The following DCC variants were observed in gnomAD, a reference collection of about 807,000 sequenced individuals.
The protein encoded by DCC is netrin receptor DCC.
Under a neutral mutation model 172.5 loss-of-function variants are expected in DCC, and 58 were observed. The ratio of observed to expected loss-of-function variants is 0.34; its 90% CI spans 0.27 to 0.42. The LOEUF is 0.42. DCC is among the 10% of genes least tolerant of loss of function. The pLI is 1.00. For missense variants in DCC, 1,740 were observed against 1,791.0 expected (o/e 0.97, Z 0.51); for synonymous variants, 709 against 644.5 (o/e 1.10, Z -1.52).
At chr18:52,920,020 CAAAA>C (rs373883714) in intron 3 of DCC, among the ~76,000 whole-genome samples, 3 of 100,170 alleles carry the variant, frequency 3.0e-5, no homozygotes, top group African/African-American at 1.1e-4. Context: ...TGTCCATATA[CAAAA>C]AAAAAAAAAA....
intron 5 of DCC, among the ~76,000 whole-genome samples, chr18:53,038,345 AAAC>A (rs2042123108): frequency 6.6e-6 from 1 of 151,966 alleles, no homozygotes; most frequent in African/African-American, 2.4e-5. Flanking sequence ...GGAGTGGCTT[AAAC>A]AACAGACGTT....
intron 3 of DCC, among the ~76,000 whole-genome samples, chr18:52,910,259 T>G (rs963202772): frequency 6.6e-6 from 1 of 152,172 alleles, no homozygotes; most frequent in African/African-American, 2.4e-5. Context: ...GTAGCATTTT[T>G]CATTGAGACT....
At chr18:53,273,963 G>A (rs1002974504) in intron 12 of DCC, among the ~76,000 whole-genome samples, 1 of 151,706 alleles carries the variant, frequency 6.6e-6, no homozygotes, top group East Asian at 1.9e-4. Context: ...GGCCTTAGGC[G>A]AGCCTGAGGA....
chr18:53,517,193 C>G (rs2046344281), intron 27 of DCC, among the ~76,000 whole-genome samples: 2 of 143,020 alleles, frequency 1.4e-5, no homozygotes, highest in African/African-American at 5.3e-5. Flanking sequence ...TAAACTATCG[C>G]AAGAACAAAA....
At chr18:53,136,217 A>G (rs113088188) in intron 7 of DCC, among the ~76,000 whole-genome samples, 1 of 94,378 alleles carries the variant, frequency 1.1e-5, no homozygotes, top group Non-Finnish European at 2.4e-5. Flanking sequence ...ATCTATATAT[A>G]TATACACACA....
intron 7 of DCC, among the ~76,000 whole-genome samples, chr18:53,067,307 G>A (rs2042585882): frequency 6.6e-6 from 1 of 152,006 alleles, no homozygotes; most frequent in Non-Finnish European, 1.5e-5. Flanking sequence ...GATGGCTTGA[G>A]ACCAGGAATT....
intron 1 of DCC, among the ~76,000 whole-genome samples, chr18:52,511,494 T>C (rs1470619836): frequency 2.0e-5 from 3 of 152,110 alleles, no homozygotes; most frequent in African/African-American, 7.2e-5. Context: ...GGGAAGGGGT[T>C]GAGGTTGTAC....
chr18:52,615,913 A>G (rs1002897271), intron 1 of DCC, among the ~76,000 whole-genome samples: 2 of 152,224 alleles, frequency 1.3e-5, no homozygotes, highest in African/African-American at 2.4e-5. Context: ...ATGCAGATAT[A>G]TAAACATATA....
chr18:52,671,221 C>T lies in DCC; in HGVS notation c.92-80833C>T, dbSNP rs558542920. ...AAGACAATGGATTTTGCAAGTTACTCAACCAGTCCCACCACTGGAGGCTTC... is the reference window on the plus strand; with the variant it reads ...AAGACAATGGATTTTGCAAGTTACTTAACCAGTCCCACCACTGGAGGCTTC... On this transcript the variant is annotated intron_variant, in intron 1 of 28. Transcript: ENST00000442544. Among the ~76,000 whole-genome samples, 25 of 152,294 alleles carry T rather than the reference C, an allele frequency of 1.6e-4. No individual in the cohort carries two copies. The South Asian group carries it at 4.8e-3, about 29-fold the overall frequency.
rs1273072496 is a variant in DCC at position 53,532,818 on chromosome 18, A to T, written c.*2165A>T. On this transcript the variant is annotated 3_prime_UTR_variant, in exon 29 of 29. Coordinates refer to ENST00000442544, the MANE Select transcript of DCC (RefSeq NM_005215.4). Reference sequence around the variant, plus strand: ...TCAATCTATAGAATGAAGTTGACCAATTAAAAAAAAAAAAAAAACCTATCA... The same window carrying T: ...TCAATCTATAGAATGAAGTTGACCATTTAAAAAAAAAAAAAAAACCTATCA... 8.8e-6 allele frequency: 1 copy of T among 114,172 alleles called. No homozygotes were observed. The highest frequency in any genetic ancestry group is 3.2e-4 in the East Asian group (1 of 3,094). 7.1% of individuals were successfully genotyped at this position (114,172 alleles called of 1,614,324 possible).
chr18:53,345,361 T>C (rs891183819), intron 15 of DCC, among the ~76,000 whole-genome samples: 2 of 152,160 alleles, frequency 1.3e-5, no homozygotes, highest in Non-Finnish European at 2.9e-5. Context: ...ATATAAAACA[T>C]AGAAACCTGC....
At chr18:52,518,882 C>T (rs2031721062) in intron 1 of DCC, among the ~76,000 whole-genome samples, 1 of 152,160 alleles carries the variant, frequency 6.6e-6, no homozygotes, top group Admixed American at 6.5e-5. Flanking sequence ...GGCTCCTTCT[C>T]ACCTTACCCT....
intron 1 of DCC, among the ~76,000 whole-genome samples, chr18:52,705,686 C>T (rs533907249): frequency 6.6e-6 from 1 of 152,244 alleles, no homozygotes; most frequent in East Asian, 1.9e-4. Flanking sequence ...TCATTCTGTG[C>T]TGTGTGTTTT....
chr18:53,090,119 T>C (rs1337804845), intron 7 of DCC, among the ~76,000 whole-genome samples: 1 of 152,228 alleles, frequency 6.6e-6, no homozygotes, highest in African/African-American at 2.4e-5. Context: ...AGTTATTTTC[T>C]AATGAAAGTC....
At chr18:52,575,697 T>C (rs1483815162) in intron 1 of DCC, among the ~76,000 whole-genome samples, 4 of 152,200 alleles carry the variant, frequency 2.6e-5, no homozygotes, top group Non-Finnish European at 5.9e-5. Flanking sequence ...GAAGGCAATT[T>C]ATGTTTCCAT....
chr18:52,468,555 T>C (rs922423759), intron 1 of DCC, among the ~76,000 whole-genome samples: 1 of 152,354 alleles, frequency 6.6e-6, no homozygotes, highest in Admixed American at 6.5e-5. Context: ...TTTGGTTTTC[T>C]TAATGGCCAA....
chr18:53,386,722 C>A (rs919525410), intron 16 of DCC, among the ~76,000 whole-genome samples: 8 of 152,100 alleles, frequency 5.3e-5, no homozygotes, highest in African/African-American at 1.9e-4. Context: ...CCTTGTCACC[C>A]TTAGGAATTT....
intron 7 of DCC, among the ~76,000 whole-genome samples, chr18:53,111,369 T>G (rs2043328695): frequency 6.7e-6 from 1 of 149,616 alleles, no homozygotes. Context: ...CTGCACATTG[T>G]GCACATGTAC....
intron 2 of DCC, among the ~76,000 whole-genome samples, chr18:52,846,076 C>T (rs1286100782): frequency 6.6e-6 from 1 of 152,196 alleles, no homozygotes; most frequent in Admixed American, 6.5e-5. Context: ...ACATCTATTT[C>T]AGTTTTCCTT....
Sources: gnomAD v4.1 joint callset for allele counts (sites outside exome capture counted in the v4.1 genomes callset) on GRCh38, gnomAD v4.1.1 for gene constraint, MANE v1.5 for transcripts, NCBI Gene and HGNC (gene_info 2026-07-23, HGNC 2026-07-21) for gene names.